PEPD: variants seen among roughly 807,000 people sequenced by gnomAD.
PEPD encodes peptidase D, also known as xaa-Pro dipeptidase.
In PEPD, 53 loss-of-function variants were observed where a neutral mutation model predicts 60.7. That is an observed-to-expected ratio of 0.87 (90% CI 0.70 to 1.10). The LOEUF is 1.10. PEPD is among the 50% of genes least tolerant of loss of function. The pLI, the probability that PEPD is intolerant of heterozygous loss-of-function variation, is 0.00. For missense variants in PEPD, 711 were observed against 711.9 expected, an observed-to-expected ratio of 1.00 and a Z score of 0.01; for synonymous variants, 267 against 284.1, an observed-to-expected ratio of 0.94 and a Z score of 0.60.
In PEPD at chr19:33,471,521, G is replaced by A. The variant is rs138545553; in HGVS notation, c.548+6525C>T. ...GACAAAAGGGTGCCCCAGCCTCCGT[G>A]GGTCCACCGGCCCCTGGAGTGAGAG... On this transcript the variant is annotated intron_variant, in intron 7 of 14. Coordinates refer to ENST00000244137, the MANE Select transcript of PEPD (RefSeq NM_000285.4). 1.9e-3 allele frequency among the ~76,000 whole-genome samples: 288 copies of A among 152,294 alleles called. 3 individuals are homozygous for A. The Middle Eastern group carries it at 0.044, about 23-fold the overall frequency.
intron 9 of PEPD, among the ~76,000 whole-genome samples, chr19:33,445,983 C>G (rs1395181041): frequency 6.6e-6 from 1 of 152,228 alleles, no homozygotes; most frequent in African/African-American, 2.4e-5. Context: ...CCCCTGCCCC[C>G]ACCACCAAGG....
chr19:33,402,906 A>G (rs1968533931), intron 11 of PEPD, among the ~76,000 whole-genome samples: 1 of 152,156 alleles, frequency 6.6e-6, no homozygotes, highest in African/African-American at 2.4e-5. Flanking sequence ...TGCCCTCTGG[A>G]TGCCCTGTAA....
chr19:33,502,932 C>G (rs1259582489), intron 3 of PEPD, among the ~76,000 whole-genome samples: 1 of 110,512 alleles, frequency 9.0e-6, no homozygotes, highest in Non-Finnish European at 1.9e-5. Flanking sequence ...AGTCAAGACC[C>G]TCTACGGATA....
At chr19:33,471,709 C>T (rs1970123442) in intron 7 of PEPD, among the ~76,000 whole-genome samples, 1 of 152,210 alleles carries the variant, frequency 6.6e-6, no homozygotes, top group African/African-American at 2.4e-5. Context: ...ACAAAGATGC[C>T]ACCTAAGAAG....
At chr19:33,521,598 C>T (rs1971136399) in intron 1 of PEPD, 146 bp downstream of exon 1, 1 of 880,508 alleles carries the variant, frequency 1.1e-6, no homozygotes, top group Non-Finnish European at 1.8e-6. Context: ...GCTCGCCGAC[C>T]GGCGCTGGGA....
At chr19:33,403,571 C>A (rs1968551447) in intron 11 of PEPD, among the ~76,000 whole-genome samples, 1 of 152,210 alleles carries the variant, frequency 6.6e-6, no homozygotes. Flanking sequence ...GGGGTCCTGT[C>A]CCATGGGAGG....
chr19:33,430,328 G>T (rs1034331342), intron 9 of PEPD, among the ~76,000 whole-genome samples: 1 of 152,172 alleles, frequency 6.6e-6, no homozygotes, highest in Non-Finnish European at 1.5e-5. Context: ...TTTGACACCC[G>T]AGAGACGGCG....
chr19:33,461,978 C>T (rs965294452), intron 9 of PEPD, among the ~76,000 whole-genome samples: 4 of 152,238 alleles, frequency 2.6e-5, no homozygotes, highest in Non-Finnish European at 4.4e-5. Context: ...AGAACTCCTT[C>T]CAGGGCAAGA....
chr19:33,521,697 C>G (rs1360246187), intron 1 of PEPD, 47 bp downstream of exon 1: 1 of 1,558,330 alleles, frequency 6.4e-7, no homozygotes, highest in Non-Finnish European at 8.7e-7. Context: ...GACACCCATG[C>G]CCCTCTCCAC....
intron 4 of PEPD, among the ~76,000 whole-genome samples, chr19:33,500,502 C>A (rs1486513819): frequency 6.6e-6 from 1 of 152,212 alleles, no homozygotes; most frequent in East Asian, 1.9e-4. Context: ...AGTCAGGGGA[C>A]CTCCAATGCT....
Position 33,512,630 on chromosome 19 carries a change from T to G in PEPD, c.164A>C (p.Gln55Pro), listed in dbSNP as rs1441416471. Residue 55 changes from glutamine (Q) to proline (P), a missense_variant, in exon 2 of 15, where the codon CAG (glutamine) becomes CCG (proline). Transcript: ENST00000244137. ...IVVLQGGEET[Q>P]RYCTDTGVLF... ...GACCCCGGTGTCGGTGCAGTAGCGCTGAGTCTCCTCCCCGCCCTGCAGGAC... is the reference window on the plus strand; with the variant it reads ...GACCCCGGTGTCGGTGCAGTAGCGCGGAGTCTCCTCCCCGCCCTGCAGGAC... The G allele has an allele frequency of 2.7e-5, 44 of 1,613,820 alleles. No individual in the cohort carries two copies. Among genetic ancestry groups the G allele is most frequent in the Non-Finnish European group, 3.7e-5 (44 of 1,179,968 alleles).
At chr19:33,498,967 G>C (rs1646898904) in intron 4 of PEPD, among the ~76,000 whole-genome samples, 1 of 152,188 alleles carries the variant, frequency 6.6e-6, no homozygotes, top group Non-Finnish European at 1.5e-5. Flanking sequence ...GAAGGGTCAA[G>C]GTTTCAAAGG....
At chr19:33,433,415 C>T (rs1175068141) in intron 9 of PEPD, among the ~76,000 whole-genome samples, 1 of 152,210 alleles carries the variant, frequency 6.6e-6, no homozygotes, top group Non-Finnish European at 1.5e-5. Context: ...CACTCTGTAC[C>T]TCCAGGGGAC....
intron 9 of PEPD, among the ~76,000 whole-genome samples, chr19:33,432,374 G>T (rs1969292530): frequency 6.6e-6 from 1 of 152,212 alleles, no homozygotes; most frequent in African/African-American, 2.4e-5. Context: ...AGCCTTGCTT[G>T]TCTCCTCTGG....
intron 1 of PEPD, among the ~76,000 whole-genome samples, chr19:33,520,575 T>G (rs1265412522): frequency 6.6e-6 from 1 of 152,234 alleles, no homozygotes; most frequent in East Asian, 1.9e-4. Context: ...GAAGACCCAC[T>G]GCTATTCCTG....
At chr19:33,418,058 G>A (rs1026777649) in intron 9 of PEPD, among the ~76,000 whole-genome samples, 1 of 152,178 alleles carries the variant, frequency 6.6e-6, no homozygotes, top group African/African-American at 2.4e-5. Flanking sequence ...TCGCCCTCAC[G>A]GAGCTGACCC....
rs115855450 is a variant in PEPD, at chr19:33,443,858, C to T, written c.671+19137G>A. On this transcript the variant is annotated intron_variant, in intron 9 of 14. Transcript: ENST00000244137. ...GAGTGTGTAATGGGTGTACATATCA[C>T]ACACTTGCGAACATGCGCGTGCACA... Among the ~76,000 whole-genome samples, 624 of 152,224 alleles carry T rather than the reference C, an allele frequency of 4.1e-3. 2 individuals carry two copies. Among genetic ancestry groups the T allele is most frequent in the African/African-American group, 0.014 (597 of 41,534 alleles).
chr19:33,399,563 C>T (rs1243945870), intron 12 of PEPD, among the ~76,000 whole-genome samples: 1 of 152,098 alleles, frequency 6.6e-6, no homozygotes, highest in Non-Finnish European at 1.5e-5. Flanking sequence ...GCTCTGGAGG[C>T]TGGACTGGGC....
At chr19:33,393,511 T>C (rs1235394428) in intron 12 of PEPD, among the ~76,000 whole-genome samples, 2 of 145,974 alleles carry the variant, frequency 1.4e-5, no homozygotes, top group Non-Finnish European at 3.0e-5. Flanking sequence ...CAGCTGCCGC[T>C]GGTCAAACAG....
Sources: allele counts gnomAD v4.1 joint callset (sites outside exome capture counted in the v4.1 genomes callset), GRCh38; gene constraint gnomAD v4.1.1; transcripts MANE v1.5; gene names NCBI Gene and HGNC (gene_info 2026-07-23, HGNC 2026-07-21).